The following SORBS2 variants were observed in gnomAD, a reference collection of about 807,000 sequenced individuals.
The protein encoded by SORBS2 is sorbin and SH3 domain containing 2.
SORBS2 carries 46 observed loss-of-function variants against 97.7 expected under a neutral mutation model. The ratio of observed to expected loss-of-function variants is 0.47; its 90% CI spans 0.37 to 0.60. The LOEUF is 0.60. Among genes scored for constraint, SORBS2 ranks in the 20% least tolerant of loss-of-function variants. The probability of loss-of-function intolerance (pLI) is 0.00; values close to 1 mark genes in which losing one functional copy is unlikely to be tolerated. For missense variants in SORBS2, 1,316 were observed against 1,282.3 expected (o/e 1.03, Z -0.40); for synonymous variants, 476 against 473.4 (o/e 1.01, Z -0.07).
chr4:185,743,315 T>C (rs1156660378), intron 2 of SORBS2, among the ~76,000 whole-genome samples: 1 of 152,142 alleles, frequency 6.6e-6, no homozygotes, highest in Non-Finnish European at 1.5e-5. Flanking sequence ...TGTTTTCAAC[T>C]CTCTCTCTGG....
intron 1 of SORBS2, among the ~76,000 whole-genome samples, chr4:185,832,903 C>T (rs1159473790): frequency 8.5e-5 from 13 of 152,174 alleles, no homozygotes; most frequent in African/African-American, 3.1e-4. Flanking sequence ...AGTCCGAATT[C>T]AGGGGTAATG....
rs529387343 is a variant in SORBS2, at chr4:185,801,938, A to G, written c.-337-26572T>C. ...TGAGCCAGACTCAACAATTTACATG[A>G]AAGCACTGAGGGGGTGCCAAATACA... On this transcript the variant is annotated intron_variant, in intron 1 of 20. Transcript: ENST00000284776. 1.6e-4 allele frequency among the ~76,000 whole-genome samples: 24 copies of G among 152,312 alleles called. No homozygotes were observed. In the East Asian group the frequency reaches 4.6e-3, roughly 29 times the overall value.
intron 1 of SORBS2, among the ~76,000 whole-genome samples, chr4:185,656,287 A>G (rs1267563179): frequency 6.6e-6 from 1 of 152,212 alleles, no homozygotes; most frequent in Non-Finnish European, 1.5e-5. Flanking sequence ...TTGGCTTTCA[A>G]TTGTAATATA....
intron 1 of SORBS2, among the ~76,000 whole-genome samples, chr4:185,945,683 A>G (rs1426102228): frequency 6.6e-6 from 1 of 152,228 alleles, no homozygotes; most frequent in African/African-American, 2.4e-5. Flanking sequence ...AGGCAAACAT[A>G]AATTAAAAAT....
chr4:185,682,287 T>C (rs1405562413), intron 2 of SORBS2, among the ~76,000 whole-genome samples: 2 of 152,222 alleles, frequency 1.3e-5, no homozygotes, highest in Admixed American at 1.3e-4. Flanking sequence ...GTGGTCCCCA[T>C]ACTGCGGCAT....
chr4:185,939,827 C>T (rs997758534), intron 1 of SORBS2, among the ~76,000 whole-genome samples: 12 of 152,112 alleles, frequency 7.9e-5, no homozygotes, highest in East Asian at 3.9e-4. Context: ...ACTTTCTTAA[C>T]GCCCATCCAC....
intron 1 of SORBS2, among the ~76,000 whole-genome samples, chr4:185,813,849 C>A (rs13122948): frequency 6.6e-6 from 1 of 151,948 alleles, no homozygotes; most frequent in Non-Finnish European, 1.5e-5. Context: ...GGCCTTGTCA[C>A]GCCCTGGGAC....
At chr4:185,638,222 G>A in intron 4 of SORBS2, 60 bp from the exon 15 acceptor site, 1 of 1,025,510 alleles carries the variant, frequency 9.8e-7, no homozygotes, top group Non-Finnish European at 1.5e-6. Flanking sequence ...TGAGGGAAAC[G>A]CTGTGTGGCA....
chr4:185,722,990 G>A (rs1292182302), intron 2 of SORBS2, among the ~76,000 whole-genome samples: 1 of 151,878 alleles, frequency 6.6e-6, no homozygotes, highest in Non-Finnish European at 1.5e-5. Flanking sequence ...AACCCCAAAG[G>A]GCCTCAGTAT....
rs143357254 is a variant in SORBS2 at position 185,942,332 on chromosome 4, C to T, written c.-338+13864G>A. On this transcript the variant is annotated intron_variant, in intron 1 of 20. Transcript: ENST00000284776. The stretch of plus-strand genomic sequence containing the variant: ...TCGAACAGGACCTTCATTTAGATGA[C>T]TACATTTCCCTAGGTTTATATTTTC... Among the ~76,000 whole-genome samples, 235 of 149,828 alleles carry T rather than the reference C, an allele frequency of 1.6e-3. 1 individual carries two copies. Among genetic ancestry groups the T allele is most frequent in the Middle Eastern group, 6.8e-3 (2 of 292 alleles).
At chr4:185,860,690 A>T (rs1296936899) in intron 1 of SORBS2, among the ~76,000 whole-genome samples, 1 of 152,206 alleles carries the variant, frequency 6.6e-6, no homozygotes, top group Non-Finnish European at 1.5e-5. Flanking sequence ...ATCAAGACAT[A>T]TAAGGTGTAC....
chr4:185,823,381 A>G (rs1413754668), intron 1 of SORBS2, among the ~76,000 whole-genome samples: 1 of 152,208 alleles, frequency 6.6e-6, no homozygotes, highest in East Asian at 1.9e-4. Context: ...TGGTGGCACC[A>G]TTCCATTTTT....
intron 12 of SORBS2, among the ~76,000 whole-genome samples, chr4:185,605,405 C>T (rs2096386346): frequency 6.6e-6 from 1 of 152,278 alleles, no homozygotes; most frequent in Non-Finnish European, 1.5e-5. Flanking sequence ...GCCTCAGCCT[C>T]CCGAGTAGCT....
chr4:185,756,195 A>G (rs1156772789), intron 2 of SORBS2, among the ~76,000 whole-genome samples: 2 of 152,216 alleles, frequency 1.3e-5, no homozygotes, highest in Admixed American at 6.5e-5. Flanking sequence ...GCTCTTCTCT[A>G]TGCAGTTCAT....
upstream of SORBS2, among the ~76,000 whole-genome samples, chr4:185,658,211 C>T (rs905023451): frequency 1.2e-4 from 18 of 152,072 alleles, no homozygotes; most frequent in Admixed American, 2.6e-4. Context: ...ATTATTAGTA[C>T]GATTTCCTAT....
intron 1 of SORBS2, among the ~76,000 whole-genome samples, chr4:185,845,248 C>T (rs2133377): frequency 2.6e-5 from 4 of 151,824 alleles, no homozygotes; most frequent in African/African-American, 9.7e-5. Context: ...TCCAACTTCC[C>T]GGCTCAAGCG....
chr4:185,767,350 A>T lies in SORBS2; in HGVS notation c.-198+7877T>A, dbSNP rs551828742. Among the ~76,000 whole-genome samples, 19 of 140,516 alleles carry T rather than the reference A, an allele frequency of 1.4e-4. 1 individual carries two copies. The highest frequency in any genetic ancestry group is 1.1e-3 in the Admixed American group (15 of 13,442). 92.2% of individuals were successfully genotyped at this position (140,516 alleles called of 152,430 possible). ...CCCGTCTCTACTAAAAATACAAAAAATTAGCCGGGCGTGGTGGCGGGCGCC... is the reference window on the plus strand; with the variant it reads ...CCCGTCTCTACTAAAAATACAAAAATTTAGCCGGGCGTGGTGGCGGGCGCC... On this transcript the variant is annotated intron_variant, in intron 2 of 20. Transcript: ENST00000284776.
At chr4:185,747,603 C>T (rs1215462399) in intron 2 of SORBS2, among the ~76,000 whole-genome samples, 1 of 152,150 alleles carries the variant, frequency 6.6e-6, no homozygotes, top group Non-Finnish European at 1.5e-5. Flanking sequence ...CTTGCTGCTC[C>T]CCACTGTGGC....
intron 12 of SORBS2, among the ~76,000 whole-genome samples, chr4:185,611,442 C>G (rs1204150567): frequency 1.3e-5 from 2 of 151,472 alleles, no homozygotes; most frequent in Non-Finnish European, 2.9e-5. Context: ...AAAAATGAAG[C>G]TTTAGGAAAA....
Sources: allele counts gnomAD v4.1 joint callset (sites outside exome capture counted in the v4.1 genomes callset), GRCh38; gene constraint gnomAD v4.1.1; transcripts MANE v1.5; gene names NCBI Gene and HGNC (gene_info 2026-07-23, HGNC 2026-07-21).